The following DNAJC1 variants were observed in gnomAD, a reference collection of about 807,000 sequenced individuals.
DNAJC1 encodes DnaJ heat shock protein family (Hsp40) member C1.
In DNAJC1, 58 loss-of-function variants were observed where a neutral mutation model predicts 76.6. The observed-to-expected ratio is 0.76, with a 90% CI of 0.61 to 0.94. DNAJC1 has a LOEUF of 0.94. DNAJC1 is among the 40% of genes least tolerant of loss of function. The pLI is 0.00. For missense variants in DNAJC1, 689 were observed against 677.3 expected, an observed-to-expected ratio of 1.02 and a Z score of -0.19; for synonymous variants, 258 against 267.9, an observed-to-expected ratio of 0.96 and a Z score of 0.36.
At chr10:21,831,496 T>C (rs567493018) in intron 8 of DNAJC1, among the ~76,000 whole-genome samples, 71 of 152,314 alleles carry the variant, frequency 4.7e-4, no homozygotes, top group African/African-American at 1.6e-3. Flanking sequence ...TTGTTGTTCT[T>C]AATACTTAAT....
intron 7 of DNAJC1, among the ~76,000 whole-genome samples, chr10:21,900,446 TGCCATGGGGAAACTAA>T (rs1418523257): frequency 1.3e-5 from 2 of 152,152 alleles, no homozygotes; most frequent in African/African-American, 4.8e-5. Context: ...TCTGAATCAT[TGCCATGGGGAAACTAA>T]GACTGCATTA....
intron 8 of DNAJC1, among the ~76,000 whole-genome samples, chr10:21,871,680 C>A (rs1425450657): frequency 6.6e-6 from 1 of 152,040 alleles, no homozygotes; most frequent in Non-Finnish European, 1.5e-5. Flanking sequence ...CAGAGTCTCA[C>A]TCTGTCATCC....
intron 8 of DNAJC1, among the ~76,000 whole-genome samples, chr10:21,817,496 G>C (rs78540041): frequency 0.035 from 5,355 of 151,696 alleles, 166 homozygotes; most frequent in African/African-American, 0.07. Context: ...CTGTCTTGCT[G>C]GTCCTGAAAC....
chr10:21,836,007 T>A (rs2131673472), intron 8 of DNAJC1, among the ~76,000 whole-genome samples: 1 of 151,806 alleles, frequency 6.6e-6, no homozygotes, highest in African/African-American at 2.4e-5. Context: ...GAAGACCAAC[T>A]CCAAGACACA....
intron 8 of DNAJC1, among the ~76,000 whole-genome samples, chr10:21,860,450 T>TG: frequency 6.6e-6 from 1 of 152,154 alleles, no homozygotes; most frequent in South Asian, 2.1e-4. Flanking sequence ...CCCAGCACTT[T>TG]GGGAGGCTAA....
chr10:21,823,278 GA>G (rs757715685), intron 8 of DNAJC1, among the ~76,000 whole-genome samples: 6 of 152,128 alleles, frequency 3.9e-5, no homozygotes, highest in Non-Finnish European at 8.8e-5. Flanking sequence ...ATCTCCTTAT[GA>G]CCAGTGGTAT....
intron 9 of DNAJC1, among the ~76,000 whole-genome samples, chr10:21,793,621 C>A (rs1834718142): frequency 6.6e-6 from 1 of 152,182 alleles, no homozygotes; most frequent in African/African-American, 2.4e-5. Flanking sequence ...TTCCTACATA[C>A]CAGCAATGGA....
chr10:21,758,770 C>T (rs1244059075), intron 11 of DNAJC1, among the ~76,000 whole-genome samples: 1 of 152,242 alleles, frequency 6.6e-6, no homozygotes, highest in Non-Finnish European at 1.5e-5. Flanking sequence ...TTTATGAACC[C>T]TCAGCCTGGT....
rs544506816 is a variant in DNAJC1, at chr10:21,853,105, A to G, written c.978+29177T>C. On this transcript the variant is annotated intron_variant, in intron 8 of 11. Transcript: ENST00000376980. ...TAAAAATCCAAAGATTCCCTACTAC[A>G]TAAAATAATCTAAACTTCTTATCTT... 1.0e-3 allele frequency among the ~76,000 whole-genome samples: 153 copies of G among 152,328 alleles called. 6 individuals carry two copies. In the South Asian group the frequency reaches 0.031, roughly 31 times the overall value.
chr10:21,974,281 T>C (rs947109521), intron 1 of DNAJC1, among the ~76,000 whole-genome samples: 2 of 152,212 alleles, frequency 1.3e-5, no homozygotes, highest in African/African-American at 4.8e-5. Context: ...ATAGGAAATG[T>C]AGAAGTCTGA....
rs186826245 is a variant in DNAJC1 at position 21,961,591 on chromosome 10, T to C, written c.223-32450A>G. Among the ~76,000 whole-genome samples the C allele has an allele frequency of 9.9e-5, 15 of 151,942 alleles. No individual in the cohort carries two copies. The East Asian group carries it at 2.9e-3, about 29-fold the overall frequency. On this transcript the variant is annotated intron_variant, in intron 1 of 11. Coordinates refer to ENST00000376980, the MANE Select transcript of DNAJC1 (RefSeq NM_022365.4). Reference sequence around the variant, plus strand: ...TTGGTGTGGGGGAAGGGGAAAAGGGTGGTTATTGCTTAAAGGGTACAGTTT... The same window carrying C: ...TTGGTGTGGGGGAAGGGGAAAAGGGCGGTTATTGCTTAAAGGGTACAGTTT...
At chr10:21,779,851 A>G (rs534639617) in intron 9 of DNAJC1, among the ~76,000 whole-genome samples, 3 of 152,304 alleles carry the variant, frequency 2.0e-5, no homozygotes, top group Admixed American at 2.0e-4. Context: ...CCTTGAAAAA[A>G]GATTAGACGA....
At chr10:21,996,957 G>A (rs542615980) in intron 1 of DNAJC1, among the ~76,000 whole-genome samples, 8 of 152,110 alleles carry the variant, frequency 5.3e-5, no homozygotes, top group African/African-American at 1.7e-4. Flanking sequence ...TGACTGAAAG[G>A]TTATCTACCA....
chr10:21,799,851 G>A (rs368922734), intron 9 of DNAJC1, among the ~76,000 whole-genome samples: 12 of 152,092 alleles, frequency 7.9e-5, no homozygotes, highest in African/African-American at 2.9e-4. Flanking sequence ...CACTTGGTCA[G>A]TTCTAGATTC....
chr10:21,792,801 T>C (rs1346312520), intron 9 of DNAJC1, among the ~76,000 whole-genome samples: 1 of 149,998 alleles, frequency 6.7e-6, no homozygotes, highest in African/African-American at 2.5e-5. Flanking sequence ...TCCAGCACCA[T>C]ATAAAATGTA....
chr10:21,921,902 T>A (rs1837048362), intron 3 of DNAJC1, among the ~76,000 whole-genome samples: 1 of 152,086 alleles, frequency 6.6e-6, no homozygotes, highest in African/African-American at 2.4e-5. Flanking sequence ...AAACACTGTG[T>A]GTTCAACACA....
chr10:21,976,620 T>C (rs901650432), intron 1 of DNAJC1, among the ~76,000 whole-genome samples: 3 of 152,192 alleles, frequency 2.0e-5, no homozygotes, highest in Admixed American at 2.0e-4. Context: ...AAAAGGAATA[T>C]GTACATACTG....
chr10:21,916,860 T>C (rs552166170), intron 6 of DNAJC1, among the ~76,000 whole-genome samples: 1 of 152,288 alleles, frequency 6.6e-6, no homozygotes, highest in South Asian at 2.1e-4. Flanking sequence ...TGAAAGAGTC[T>C]ACTGCATTAC....
chr10:21,881,462 A>G (rs1836276331), intron 8 of DNAJC1, among the ~76,000 whole-genome samples: 1 of 152,094 alleles, frequency 6.6e-6, no homozygotes, highest in Admixed American at 6.6e-5. Context: ...TCTTCCTTCT[A>G]CTTGAACACT....
Sources: gnomAD v4.1 joint callset for allele counts (sites outside exome capture counted in the v4.1 genomes callset) on GRCh38, gnomAD v4.1.1 for gene constraint, MANE v1.5 for transcripts, NCBI Gene and HGNC (gene_info 2026-07-23, HGNC 2026-07-21) for gene names.